SOX6: variants seen among roughly 807,000 people sequenced by gnomAD.
SOX6 encodes SRY-box transcription factor 6, also known as transcription factor SOX-6.
A neutral mutation model predicts 97.8 loss-of-function variants in SOX6; 11 were observed. The observed-to-expected ratio is 0.11, with a 90% CI of 0.07 to 0.19. SOX6 has a LOEUF of 0.19. Ranked by LOEUF, SOX6 falls within the 10% of genes least tolerant of loss-of-function variation. The pLI is 1.00. For synonymous variants in SOX6, 360 were observed against 371.4 expected, an observed-to-expected ratio of 0.97 and a Z score of 0.35; for missense variants, 810 against 1,039.5, an observed-to-expected ratio of 0.78 and a Z score of 3.04.
intron 3 of SOX6, among the ~76,000 whole-genome samples, chr11:16,636,330 C>T (rs372135005): frequency 1.2e-3 from 178 of 152,240 alleles, no homozygotes; most frequent in South Asian, 2.1e-3. Context: ...ACTGTCCCAC[C>T]GGATTTCAGA....
At chr11:16,538,495 T>G (rs1268436684) in intron 4 of SOX6, among the ~76,000 whole-genome samples, 1 of 152,140 alleles carries the variant, frequency 6.6e-6, no homozygotes, top group African/African-American at 2.4e-5. Context: ...TAAATGTAAA[T>G]GGGCTAAATG....
chr11:16,549,252 G>A (rs201577031), intron 4 of SOX6, among the ~76,000 whole-genome samples: 10 of 152,002 alleles, frequency 6.6e-5, no homozygotes, highest in South Asian at 2.1e-4. Flanking sequence ...TCACTGCAAC[G>A]TCCGCCTCCC....
intron 1 of SOX6, among the ~76,000 whole-genome samples, chr11:16,384,221 C>CCG (rs1554963592): frequency 6.6e-6 from 1 of 151,834 alleles, no homozygotes; most frequent in Non-Finnish European, 1.5e-5. Flanking sequence ...AAACAAGAAA[C>CCG]TTTAGGAATC....
chr11:16,000,138 G>A (rs1854359126), intron 13 of SOX6, among the ~76,000 whole-genome samples: 1 of 152,132 alleles, frequency 6.6e-6, no homozygotes, highest in African/African-American at 2.4e-5. Flanking sequence ...CTGCCAGAAT[G>A]TGAACTTACT....
At chr11:16,639,283 TTGG>T (rs1349049070) in intron 3 of SOX6, among the ~76,000 whole-genome samples, 1 of 152,224 alleles carries the variant, frequency 6.6e-6, no homozygotes, top group African/African-American at 2.4e-5. Context: ...TATCTCTGTT[TTGG>T]TACCAGTACC....
At chr11:15,996,517 T>C (rs899864966) in intron 13 of SOX6, among the ~76,000 whole-genome samples, 2 of 151,884 alleles carry the variant, frequency 1.3e-5, no homozygotes. Context: ...TAGTTCCAGC[T>C]ACTCAGGAGG....
At chr11:16,169,284 T>C (rs897217413) in intron 6 of SOX6, among the ~76,000 whole-genome samples, 7 of 152,132 alleles carry the variant, frequency 4.6e-5, no homozygotes, top group African/African-American at 1.7e-4. Context: ...AAGACAATTA[T>C]TGTTTGCATT....
rs1300578397 is a variant in SOX6, at chr11:16,132,391, A to G, written c.778-20468T>C. ...GAAAGAAAGAAAGAAAGAAAGAAAGAAAGAAAGAAAAAAGAAAGAAAGAAA... is the reference window on the plus strand; with the variant it reads ...GAAAGAAAGAAAGAAAGAAAGAAAGGAAGAAAGAAAAAAGAAAGAAAGAAA... On this transcript the variant is annotated intron_variant, in intron 6 of 15. Coordinates refer to ENST00000683767, the MANE Select transcript of SOX6 (RefSeq NM_001367873.1). Among the ~76,000 whole-genome samples the G allele has an allele frequency of 2.3e-5, 2 of 88,092 alleles. 1 individual carries two copies. Among genetic ancestry groups the G allele is most frequent in the African/African-American group, 9.9e-5 (2 of 20,216 alleles). 57.8% of individuals were successfully genotyped at this position (88,092 alleles called of 152,430 possible). A position where few individuals can be genotyped will look rare whatever the true frequency, so the allele number is the denominator to read the frequency against.
chr11:16,352,304 A>G (rs957603635), intron 1 of SOX6, among the ~76,000 whole-genome samples: 2 of 151,864 alleles, frequency 1.3e-5, no homozygotes, highest in African/African-American at 2.4e-5. Flanking sequence ...GGATGGAAGG[A>G]TGGATGGATG....
chr11:16,369,952 C>A (rs1480607676), intron 1 of SOX6, among the ~76,000 whole-genome samples: 2 of 152,144 alleles, frequency 1.3e-5, no homozygotes, highest in African/African-American at 4.8e-5. Context: ...ATGGCTGCAC[C>A]ATTTATGTTT....
At chr11:16,667,208 C>T (rs188513143) in intron 3 of SOX6, among the ~76,000 whole-genome samples, 31 of 152,254 alleles carry the variant, frequency 2.0e-4, no homozygotes, top group South Asian at 8.3e-4. Flanking sequence ...CCACTGCTTT[C>T]CAGCCTGGGC....
intron 3 of SOX6, among the ~76,000 whole-genome samples, chr11:16,254,398 A>T (rs1853617975): frequency 6.6e-6 from 1 of 152,100 alleles, no homozygotes; most frequent in African/African-American, 2.4e-5. Flanking sequence ...TATTACATAC[A>T]TGTATAGTTA....
intron 10 of SOX6, among the ~76,000 whole-genome samples, chr11:16,050,599 T>A (rs926214095): frequency 2.6e-5 from 4 of 152,194 alleles, no homozygotes; most frequent in Admixed American, 2.0e-4. Flanking sequence ...CAATTTATTT[T>A]TCATGTTTAA....
chr11:16,267,098 C>T (rs1351737874), intron 3 of SOX6, among the ~76,000 whole-genome samples: 1 of 151,226 alleles, frequency 6.6e-6, no homozygotes, highest in African/African-American at 2.4e-5. Flanking sequence ...TAGAAGAAAA[C>T]ATAGAGGAAA....
intron 3 of SOX6, among the ~76,000 whole-genome samples, chr11:16,251,479 T>A (rs113350949): frequency 6.6e-6 from 1 of 151,614 alleles, no homozygotes; most frequent in African/African-American, 2.4e-5. Context: ...GAGAATAGTA[T>A]GAAGATTATG....
At chr11:16,248,176 A>G (rs771570577) in intron 3 of SOX6, among the ~76,000 whole-genome samples, 2 of 151,990 alleles carry the variant, frequency 1.3e-5, no homozygotes, top group African/African-American at 2.4e-5. Flanking sequence ...GCCTTGGACA[A>G]CTCTGCCTCT....
intron 12 of SOX6, among the ~76,000 whole-genome samples, chr11:16,019,331 G>A (rs1854983223): frequency 6.6e-6 from 1 of 152,018 alleles, no homozygotes; most frequent in African/African-American, 2.4e-5. Context: ...CCAATGGTCT[G>A]AATGAGAGGT....
intron 11 of SOX6, 121 bp from the exon 12 acceptor site, chr11:16,046,822 A>AT: frequency 3.9e-6 from 4 of 1,030,812 alleles, no homozygotes; most frequent in Non-Finnish European, 4.4e-6. Flanking sequence ...CACATTTGCT[A>AT]TTTTTTAAAC....
intron 12 of SOX6, chr11:16,015,285 T>A: frequency 1.8e-6 from 1 of 554,252 alleles, no homozygotes. Flanking sequence ...ACAGGGAACC[T>A]GCCAGAGCTT....
Sources: allele counts gnomAD v4.1 joint callset (sites outside exome capture counted in the v4.1 genomes callset), GRCh38; gene constraint gnomAD v4.1.1; transcripts MANE v1.5; gene names NCBI Gene and HGNC (gene_info 2026-07-23, HGNC 2026-07-21).